Variants in TVP23C observed in about 807,000 individuals in gnomAD.
TVP23C encodes the protein Golgi apparatus membrane protein TVP23 homolog C.
Under a neutral mutation model 28.7 loss-of-function variants are expected in TVP23C, and 19 were observed. The ratio of observed to expected loss-of-function variants is 0.66; its 90% CI spans 0.46 to 0.97. TVP23C has a LOEUF of 0.97. TVP23C is among the 50% of genes least tolerant of loss of function. The pLI is 0.00. For missense variants in TVP23C, 186 were observed against 241.3 expected, an observed-to-expected ratio of 0.77 and a Z score of 1.52; for synonymous variants, 68 against 81.7, an observed-to-expected ratio of 0.83 and a Z score of 0.90.
At position 15,503,008 on chromosome 17, in the gene TVP23C, A is replaced by G. The variant is rs754647435; in HGVS notation, c.687T>C (p.Ala229=). ...GCGCCATCTGTTGGCAGTTGCCTGG[A>G]GCCGCACGAAGAGGTGGAGAACTAA... Residue 229 remains alanine (A), a synonymous_variant, in exon 6 of 6, where the codon GCT becomes GCC. Transcript: ENST00000225576. The G allele has an allele frequency of 5.6e-6, 9 of 1,614,042 alleles. No homozygotes were observed. In the Admixed American group the frequency reaches 1.2e-4, roughly 21 times the overall value.
At chr17:15,521,595 G>A (rs571659910) in intron 5 of TVP23C, among the ~76,000 whole-genome samples, 3 of 152,236 alleles carry the variant, frequency 2.0e-5, no homozygotes, top group Non-Finnish European at 4.4e-5. Context: ...ACTGAAAAGA[G>A]AGGCATGAAA....
chr17:15,509,494 C>T (rs1056010120), intron 5 of TVP23C, among the ~76,000 whole-genome samples: 2 of 152,244 alleles, frequency 1.3e-5, no homozygotes, highest in African/African-American at 2.4e-5. Flanking sequence ...TGCACCTTTG[C>T]GAGTTTCTTG....
chr17:15,530,098 C>T (rs1446051971), intron 5 of TVP23C, among the ~76,000 whole-genome samples: 2 of 152,066 alleles, frequency 1.3e-5, no homozygotes, highest in Admixed American at 1.3e-4. Flanking sequence ...TGTGCCCAGC[C>T]GCAAATCTGT....
intron 5 of TVP23C, among the ~76,000 whole-genome samples, chr17:15,526,379 T>C (rs147697069): frequency 6.6e-4 from 100 of 152,338 alleles, no homozygotes; most frequent in African/African-American, 2.3e-3. Context: ...GGAAAGCTAC[T>C]GATCCCCCAA....
In TVP23C at chr17:15,538,981, A is replaced by G; in HGVS notation, c.*1431T>C. On this transcript the variant is annotated 3_prime_UTR_variant, in exon 6 of 6. Coordinates refer to ENST00000518321, the MANE Select transcript of TVP23C (RefSeq NM_001135036.2). ...GTACAGTAGAATAAAAAGAACAATAAATTTTGAGTACAGAGGGCTGGGTTT... is the reference window on the plus strand; with the variant it reads ...GTACAGTAGAATAAAAAGAACAATAGATTTTGAGTACAGAGGGCTGGGTTT... The G allele has an allele frequency of 2.0e-6, 2 of 985,742 alleles. No homozygotes were observed. Among genetic ancestry groups the G allele is most frequent in the South Asian group, 9.4e-5 (2 of 21,276 alleles). The allele number at this position is 985,742 out of a possible 1,614,324, so 61.1% of individuals were successfully genotyped here.
intron 3 of TVP23C, among the ~76,000 whole-genome samples, chr17:15,549,458 T>C (rs1983793178): frequency 1.3e-5 from 2 of 152,096 alleles, no homozygotes; most frequent in African/African-American, 4.8e-5. Context: ...TGGCCAGGCA[T>C]GGTGGCTCAC....
In TVP23C at chr17:15,538,209, C is replaced by A. The variant is rs1160395515; in HGVS notation, c.*2203G>T. On this transcript the variant is annotated 3_prime_UTR_variant, in exon 6 of 6. Transcript: ENST00000518321. ...ATCAAAGTTATTTCACTTCACACAC[C>A]ATGGACTTGGGGCCTAGGCCTAGGA... is the stretch of plus-strand genomic sequence containing the variant. 11 of 1,613,050 alleles carry A rather than the reference C, an allele frequency of 6.8e-6. No homozygotes were observed. The highest frequency in any genetic ancestry group is 7.6e-6 in the Non-Finnish European group (9 of 1,179,648).
chr17:15,561,459 C>T (rs1267238428), intron 1 of TVP23C, among the ~76,000 whole-genome samples: 1 of 152,046 alleles, frequency 6.6e-6, no homozygotes, highest in African/African-American at 2.4e-5. Flanking sequence ...ATTAGCCGGG[C>T]ATGGTGGCGG....
chr17:15,527,767 T>C (rs1305987203), intron 5 of TVP23C, among the ~76,000 whole-genome samples: 1 of 152,058 alleles, frequency 6.6e-6, no homozygotes, highest in Non-Finnish European at 1.5e-5. Flanking sequence ...AAATACAAGT[T>C]CTTAATGATT....
At chr17:15,549,437 T>C (rs1021252765) in intron 3 of TVP23C, among the ~76,000 whole-genome samples, 2 of 152,050 alleles carry the variant, frequency 1.3e-5, no homozygotes, top group Non-Finnish European at 2.9e-5. Context: ...CATGTTAAGA[T>C]ATAAGATGCC....
At chr17:15,559,147 A>G (rs1359922840) in intron 1 of TVP23C, among the ~76,000 whole-genome samples, 1 of 147,578 alleles carries the variant, frequency 6.8e-6, no homozygotes, top group African/African-American at 2.4e-5. Context: ...TCAGTTCCTT[A>G]AACATGCCAA....
intron 5 of TVP23C, among the ~76,000 whole-genome samples, chr17:15,531,597 C>A (rs1982952758): frequency 6.6e-6 from 1 of 152,090 alleles, no homozygotes; most frequent in Non-Finnish European, 1.5e-5. Flanking sequence ...TTTTTCAGCT[C>A]CAGAATTTTT....
At chr17:15,558,887 A>G (rs1984252680) in intron 1 of TVP23C, among the ~76,000 whole-genome samples, 1 of 142,246 alleles carries the variant, frequency 7.0e-6, no homozygotes, top group Admixed American at 7.2e-5. Flanking sequence ...TTTTTTTGAC[A>G]CAGGGTCTGG....
At chr17:15,528,116 C>T (rs1264814738) in intron 5 of TVP23C, among the ~76,000 whole-genome samples, 1 of 151,544 alleles carries the variant, frequency 6.6e-6, no homozygotes, top group Non-Finnish European at 1.5e-5. Context: ...TCTTTCCTTT[C>T]TAATCTATTA....
intron 5 of TVP23C, among the ~76,000 whole-genome samples, chr17:15,508,411 C>T (rs1357311813): frequency 1.3e-5 from 2 of 152,244 alleles, no homozygotes; most frequent in Admixed American, 1.3e-4. Flanking sequence ...TCTACTCAGA[C>T]CCCATGTAAC....
At position 15,539,808 on chromosome 17, in the gene TVP23C, T is replaced by C. The variant is rs1983329600; in HGVS notation, c.*604A>G. On this transcript the variant is annotated 3_prime_UTR_variant, in exon 6 of 6. Transcript: ENST00000518321. ...CTGTTCTCCCTAAAACCATACAACA[T>C]ACAGGCTGGGCACGGTGGCTCACGC... 1.0e-6 allele frequency: 1 copy of C among 983,198 alleles called. No homozygotes were observed. The highest frequency in any genetic ancestry group is 1.2e-6 in the Non-Finnish European group (1 of 828,200). The allele number at this position is 983,198 out of a possible 1,614,324, so 60.9% of individuals were successfully genotyped here. A position where few individuals can be genotyped will look rare whatever the true frequency, so the allele number is the denominator to read the frequency against.
In TVP23C at chr17:15,540,510, T is replaced by G; in HGVS notation, c.514A>C (p.Ile172Leu). The G allele has an allele frequency of 1.2e-6, 2 of 1,613,010 alleles. No individual in the cohort carries two copies. Among genetic ancestry groups the G allele is most frequent in the South Asian group, 1.1e-5 (1 of 90,848 alleles). ...VLQGANLYGY[I>L]RCKVRSRKHL... Reference sequence around the variant, plus strand: ...TTTCTGCTGCGCACCTTACACCTGATGTAACCATACAGGTTGGCACCTTGT... The same window carrying G: ...TTTCTGCTGCGCACCTTACACCTGAGGTAACCATACAGGTTGGCACCTTGT... Residue 172 changes from isoleucine (I) to leucine (L), a missense_variant, in exon 6 of 6, where the codon ATC becomes CTC. By Grantham distance (5) the Ile-to-Leu change is conservative. Around this residue, in one of 3 missense-constraint regions of TVP23C, gnomAD observed 74 missense variants for 96.0 expected, o/e 0.77. Transcript: ENST00000518321.
At position 15,516,082 on chromosome 17, in the gene TVP23C, C is replaced by G. The variant is rs186304954; in HGVS notation, c.463-12850G>C. Among the ~76,000 whole-genome samples the G allele has an allele frequency of 4.6e-5, 7 of 152,290 alleles. No individual in the cohort carries two copies. The East Asian group carries it at 1.4e-3, about 29-fold the overall frequency. On this transcript the variant is annotated intron_variant, in intron 5 of 5. Coordinates refer to the TVP23C transcript ENST00000225576. ...AAGCTCCCTGAGGCCTCCCCAGAAG[C>G]AGATGTTCTCATGCTTCCTGTACAG...
chr17:15,550,280 A>C (rs1016429770), intron 3 of TVP23C, among the ~76,000 whole-genome samples: 19 of 152,326 alleles, frequency 1.2e-4, no homozygotes, highest in African/African-American at 4.3e-4. Flanking sequence ...TTTAAACCCA[A>C]GATATGTAGT....
Sources: gnomAD v4.1 joint callset for allele counts (sites outside exome capture counted in the v4.1 genomes callset) on GRCh38, gnomAD v4.1.1 for gene constraint, gnomAD v4.1.1 regional missense constraint, MANE v1.5 for transcripts, NCBI Gene and HGNC (gene_info 2026-07-23, HGNC 2026-07-21) for gene names.